Variants in C16orf96 observed in about 807,000 individuals in gnomAD.
C16orf96 encodes the protein chromosome 16 open reading frame 96, also known as uncharacterized protein C16orf96.
In C16orf96, 108 loss-of-function variants were observed where a neutral mutation model predicts 103.6. That is an observed-to-expected ratio of 1.04 (90% CI 0.89 to 1.22). C16orf96 has a LOEUF of 1.22. C16orf96 is among the 50% of genes most tolerant of loss of function. The pLI is 0.00. For synonymous variants in C16orf96, 566 were observed against 593.5 expected (o/e 0.95, Z 0.67); for missense variants, 1,586 against 1,464.2 (o/e 1.08, Z -1.36).
rs1897094382 is a variant in C16orf96 at position 4,593,015 on chromosome 16, CT to C, written c.2775-207del. ...GAAATAGAACAATTGTTTTTTGTGT[CT>C]TACTGTGATGATCAGAGGTCCTGAG... is the stretch of plus-strand genomic sequence containing the variant. On this transcript the variant is annotated intron_variant, in intron 11 of 15. Coordinates refer to ENST00000444310, the MANE Select transcript of C16orf96 (RefSeq NM_001145011.2). The surrounding 1 kb of genome is among the most constrained non-coding windows in gnomAD (Gnocchi z 4.2). Among the ~76,000 whole-genome samples, 1 of 152,154 alleles carries C rather than the reference CT, an allele frequency of 6.6e-6. No individual in the cohort carries two copies. The highest frequency in any genetic ancestry group is 6.5e-5 in the Admixed American group (1 of 15,276).
At chr16:4,557,525 A>T (rs895554885) in intron 1 of C16orf96, among the ~76,000 whole-genome samples, 2 of 152,156 alleles carry the variant, frequency 1.3e-5, no homozygotes, top group Non-Finnish European at 2.9e-5. Context: ...ATGGGGAGTA[A>T]TTGCTTTGTG....
intron 14 of C16orf96, among the ~76,000 whole-genome samples, chr16:4,596,496 A>AAG (rs1555440815): frequency 6.6e-6 from 1 of 151,570 alleles, no homozygotes; most frequent in East Asian, 1.9e-4. Flanking sequence ...AAAAAAAAAA[A>AAG]AAAAAACAGC....
At chr16:4,594,824 TG>T (rs1216742245) in intron 14 of C16orf96, 21 bp downstream of exon 14, 1 of 1,547,692 alleles carries the variant, frequency 6.5e-7, no homozygotes, top group Non-Finnish European at 8.7e-7. Flanking sequence ...TAGGGCTCCC[TG>T]GGGCACCCTT....
upstream of C16orf96, among the ~76,000 whole-genome samples, chr16:4,552,009 G>C (rs550516132): frequency 6.6e-6 from 1 of 151,992 alleles, no homozygotes; most frequent in Non-Finnish European, 1.5e-5. Context: ...GAGAATATGC[G>C]GTGTTTGGTT....
chr16:4,558,384 C>T (rs1169284339), intron 1 of C16orf96, among the ~76,000 whole-genome samples: 9 of 151,988 alleles, frequency 5.9e-5, no homozygotes, highest in African/African-American at 2.2e-4. Flanking sequence ...GAGGCCAAGG[C>T]GGGATGATCA....
chr16:4,552,981 C>G (rs1050095684), upstream of C16orf96, among the ~76,000 whole-genome samples: 3 of 152,202 alleles, frequency 2.0e-5, no homozygotes, highest in African/African-American at 7.2e-5. Flanking sequence ...CAAACACTTA[C>G]TGAGCACCTA....
chr16:4,574,621 C>T, intron 2 of C16orf96, 88 bp from the exon 3 acceptor site: 1 of 1,037,932 alleles, frequency 9.6e-7, no homozygotes, highest in Non-Finnish European at 1.4e-6. Flanking sequence ...TCTTCCTTCT[C>T]AAGCTCTTAG....
At chr16:4,581,180 ATAT>A (rs1567450543) in intron 7 of C16orf96, among the ~76,000 whole-genome samples, 11 of 128,644 alleles carry the variant, frequency 8.6e-5, no homozygotes, top group Admixed American at 2.4e-4. Flanking sequence ...ATATATATAT[ATAT>A]AATTAGCCAG....
intron 7 of C16orf96, among the ~76,000 whole-genome samples, chr16:4,581,162 A>ATG (rs1379787695): frequency 8.5e-6 from 1 of 118,012 alleles, no homozygotes; most frequent in African/African-American, 3.1e-5. Flanking sequence ...ATATATATAT[A>ATG]TATATATATA....
chr16:4,577,121 G>A (rs1462701074), intron 5 of C16orf96, among the ~76,000 whole-genome samples: 1 of 152,110 alleles, frequency 6.6e-6, no homozygotes, highest in Non-Finnish European at 1.5e-5. Flanking sequence ...AACCCAGGAG[G>A]CAGAGGTTGC....
upstream of C16orf96, among the ~76,000 whole-genome samples, chr16:4,555,419 G>A (rs2059253913): frequency 6.6e-6 from 1 of 151,726 alleles, no homozygotes. Flanking sequence ...TGTCGCCCAG[G>A]CTGGAGTGCA....
chr16:4,542,781 G>A, the C16orf96 span, among the ~76,000 whole-genome samples: 1 of 151,802 alleles, frequency 6.6e-6, no homozygotes, highest in Admixed American at 6.6e-5. Context: ...TGGGCGACAA[G>A]CAAAACTTTG....
At chr16:4,578,643 A>G (rs1038873542) in intron 5 of C16orf96, among the ~76,000 whole-genome samples, 2 of 152,010 alleles carry the variant, frequency 1.3e-5, no homozygotes, top group African/African-American at 4.8e-5. Context: ...CTGTAATCCC[A>G]GGTACTCGGG....
chr16:4,556,988 G>C (rs2141687000), intron 1 of C16orf96, 79 bp downstream of exon 1: 1 of 1,416,438 alleles, frequency 7.1e-7, no homozygotes, highest in Non-Finnish European at 9.3e-7. Flanking sequence ...TTTTGTTTTT[G>C]AGACTCCGTC....
Position 4,600,525 on chromosome 16 carries a change from G to A in C16orf96, c.*208G>A, listed in dbSNP as rs1219773822. ...TCCCTACCAAGTCCCCTCCACGTCCGAGGCTGAGACCCATATGCCCCCCCC... is the reference window on the plus strand; with the variant it reads ...TCCCTACCAAGTCCCCTCCACGTCCAAGGCTGAGACCCATATGCCCCCCCC... On this transcript the variant is annotated 3_prime_UTR_variant, in exon 16 of 16. Coordinates refer to ENST00000444310, the MANE Select transcript of C16orf96 (RefSeq NM_001145011.2). 6.9e-4 allele frequency: 305 copies of A among 441,996 alleles called. 6 individuals are homozygous for A. In the African/African-American group the frequency reaches 7.9e-3, roughly 11 times the overall value. 27.4% of individuals were successfully genotyped at this position (441,996 alleles called of 1,614,324 possible).
At chr16:4,541,910 C>T in the C16orf96 span, among the ~76,000 whole-genome samples, 1 of 152,162 alleles carries the variant, frequency 6.6e-6, no homozygotes, top group Admixed American at 6.5e-5. Flanking sequence ...CTCACAGGAA[C>T]CTAGGTTGTT....
intron 1 of C16orf96, chr16:4,563,236 C>T (rs2059351245): frequency 1.8e-5 from 9 of 510,414 alleles, no homozygotes; most frequent in East Asian, 9.1e-5. Flanking sequence ...CTTGCTCGTT[C>T]GCTCATGACT....
intron 1 of C16orf96, among the ~76,000 whole-genome samples, chr16:4,565,112 CTTAAGGCCTT>C (rs1326438700): frequency 6.6e-6 from 1 of 152,138 alleles, no homozygotes; most frequent in African/African-American, 2.4e-5. Flanking sequence ...TTTCAGGCCT[CTTAAGGCCTT>C]TGTAAGTACT....
intron 1 of C16orf96, among the ~76,000 whole-genome samples, chr16:4,559,218 G>A (rs7186935): frequency 0.034 from 5,158 of 151,952 alleles, 302 homozygotes; most frequent in African/African-American, 0.12. Flanking sequence ...TTTTCAGAGC[G>A]TTCCCAAGTT....
Sources: gnomAD v4.1 joint callset for allele counts (sites outside exome capture counted in the v4.1 genomes callset) on GRCh38, gnomAD v4.1.1 for gene constraint, Gnocchi (gnomAD v3.1) non-coding constraint, MANE v1.5 for transcripts, NCBI Gene and HGNC (gene_info 2026-07-23, HGNC 2026-07-21) for gene names.